PPP2R3A: variants seen among roughly 807,000 people sequenced by gnomAD.
PPP2R3A encodes protein phosphatase 2 regulatory subunit B''alpha.
A neutral mutation model predicts 106.9 loss-of-function variants in PPP2R3A; 80 were observed. The ratio of observed to expected loss-of-function variants is 0.75; its 90% CI spans 0.62 to 0.90. PPP2R3A has a LOEUF of 0.90. Among genes scored for constraint, PPP2R3A ranks in the 40% least tolerant of loss-of-function variants. The pLI, the probability that PPP2R3A is intolerant of heterozygous loss-of-function variation, is 0.00. For synonymous variants in PPP2R3A, 483 were observed against 468.3 expected, an observed-to-expected ratio of 1.03 and a Z score of -0.41; for missense variants, 1,386 against 1,350.4, an observed-to-expected ratio of 1.03 and a Z score of -0.41.
intron 4 of PPP2R3A, among the ~76,000 whole-genome samples, chr3:136,044,584 A>G (rs972058057): frequency 6.6e-6 from 1 of 151,722 alleles, no homozygotes; most frequent in African/African-American, 2.4e-5. Flanking sequence ...AAAAAAAAAA[A>G]AAAAAAAAAA....
Position 136,145,049 on chromosome 3 carries a change from A to G in PPP2R3A, c.3336A>G (p.Glu1112=), listed in dbSNP as rs1214140228. The G allele has an allele frequency of 4.3e-6, 7 of 1,610,688 alleles. No homozygotes were observed. Among genetic ancestry groups the G allele is most frequent in the Non-Finnish European group, 5.9e-6 (7 of 1,178,854 alleles). Residue 1112 remains glutamate (E), a synonymous_variant, in exon 14 of 14, where the codon GAA becomes GAG. Coordinates refer to ENST00000264977, the MANE Select transcript of PPP2R3A (RefSeq NM_002718.5). ...TTTTGCTTTGTTATTTCAGCTTTGAAGATTATGAAACAGATGAACCTGCCT... is the reference window on the plus strand; with the variant it reads ...TTTTGCTTTGTTATTTCAGCTTTGAGGATTATGAAACAGATGAACCTGCCT... ...SAQAQFQEGF[E]DYETDEPASP...
chr3:136,082,484 T>C (rs1035606291), intron 8 of PPP2R3A, 63 bp downstream of exon 8: 3 of 1,542,168 alleles, frequency 1.9e-6, no homozygotes, highest in Non-Finnish European at 2.7e-6. Flanking sequence ...TTATCACTAC[T>C]CATTATGAGA....
At chr3:136,038,915 T>G (rs966778030) in intron 3 of PPP2R3A, among the ~76,000 whole-genome samples, 1 of 152,174 alleles carries the variant, frequency 6.6e-6, no homozygotes, top group Non-Finnish European at 1.5e-5. Flanking sequence ...AGTGGAGGTA[T>G]GAGATATTCG....
intron 4 of PPP2R3A, 72 bp downstream of exon 4, chr3:136,041,034 T>C (rs980080063): frequency 7.9e-7 from 1 of 1,260,190 alleles, no homozygotes; most frequent in South Asian, 1.4e-5. Context: ...TTTCTAAAGG[T>C]CACCTATTTT....
At chr3:136,096,985 T>C (rs1937231175) in intron 10 of PPP2R3A, among the ~76,000 whole-genome samples, 1 of 152,080 alleles carries the variant, frequency 6.6e-6, no homozygotes, top group African/African-American at 2.4e-5. Flanking sequence ...ACACAAAAAA[T>C]GTAATTTTGT....
At chr3:136,071,662 T>C (rs1936433537) in intron 6 of PPP2R3A, among the ~76,000 whole-genome samples, 1 of 152,168 alleles carries the variant, frequency 6.6e-6, no homozygotes, top group Non-Finnish European at 1.5e-5. Context: ...AGCCAGATCA[T>C]GTCACTCCTC....
chr3:135,985,600 G>T (rs1339452291), intron 1 of PPP2R3A, among the ~76,000 whole-genome samples: 1 of 152,120 alleles, frequency 6.6e-6, no homozygotes, highest in Non-Finnish European at 1.5e-5. Flanking sequence ...CTTTGACCCT[G>T]CCAGTGGAGG....
Position 136,070,539 on chromosome 3 carries a change from G to A in PPP2R3A, c.2531G>A (p.Arg844His), listed in dbSNP as rs772093020. Residue 844 changes from arginine (R) to histidine (H), a missense_variant, in exon 6 of 14, where the codon CGC becomes CAC. By Grantham distance (29) the Arg-to-His change is conservative. Coordinates refer to ENST00000264977, the MANE Select transcript of PPP2R3A (RefSeq NM_002718.5). ...FLKDAPEFHS[R>H]YITTVIQRIF... ...AAAGATGCTCCAGAATTCCACTCCC[G>A]CTACATCACCACGGTAGGCTGAGTC... 25 of 1,609,280 alleles carry A rather than the reference G, an allele frequency of 1.6e-5. No individual in the cohort carries two copies. Among genetic ancestry groups the A allele is most frequent in the Middle Eastern group, 1.7e-4 (1 of 6,040 alleles).
intron 1 of PPP2R3A, among the ~76,000 whole-genome samples, chr3:135,966,147 G>A (rs1434595432): frequency 6.6e-6 from 1 of 152,138 alleles, no homozygotes; most frequent in Non-Finnish European, 1.5e-5. Flanking sequence ...GAGGAGGGTA[G>A]GCGGGGGCGG....
chr3:136,008,992 C>T (rs1294798797), intron 2 of PPP2R3A, among the ~76,000 whole-genome samples: 1 of 152,128 alleles, frequency 6.6e-6, no homozygotes, highest in Non-Finnish European at 1.5e-5. Flanking sequence ...CACTTTCCTC[C>T]TCACACTGCT....
At chr3:135,984,418 T>C (rs922435178) in intron 1 of PPP2R3A, among the ~76,000 whole-genome samples, 5 of 152,178 alleles carry the variant, frequency 3.3e-5, no homozygotes, top group Non-Finnish European at 5.9e-5. Flanking sequence ...AGAATTAAAT[T>C]AGATGATGCA....
intron 13 of PPP2R3A, among the ~76,000 whole-genome samples, chr3:136,121,835 T>C (rs981094088): frequency 1.1e-4 from 16 of 152,136 alleles, no homozygotes; most frequent in African/African-American, 2.7e-4. Context: ...CACTAAACTG[T>C]AATTCCAAAT....
intron 2 of PPP2R3A, chr3:136,022,783 T>C (rs1934510458): frequency 8.5e-7 from 1 of 1,178,698 alleles, no homozygotes; most frequent in African/African-American, 1.6e-5. Context: ...CAATTTGACA[T>C]AAAGCTACCA....
rs1011234440 is a variant in PPP2R3A at position 136,146,437 on chromosome 3, T to C, written c.*1271T>C. ...GAATAGCTTCCCTTTCCACCCTACC[T>C]AGGTTCCCTCCTTGCTGGCATAAAG... On this transcript the variant is annotated 3_prime_UTR_variant, in exon 14 of 14. Transcript: ENST00000264977. The C allele has an allele frequency of 2.6e-5, 4 of 152,170 alleles. No homozygotes were observed. Among genetic ancestry groups the C allele is most frequent in the African/African-American group, 9.7e-5 (4 of 41,432 alleles). 9.4% of individuals were successfully genotyped at this position (152,170 alleles called of 1,614,324 possible). A position where few individuals can be genotyped will look rare whatever the true frequency, so the allele number is the denominator to read the frequency against.
chr3:136,138,560 T>C (rs1430234133), intron 13 of PPP2R3A, among the ~76,000 whole-genome samples: 2 of 152,142 alleles, frequency 1.3e-5, no homozygotes, highest in East Asian at 3.8e-4. Flanking sequence ...GAACCAAATA[T>C]CCAACTTCCA....
intron 13 of PPP2R3A, among the ~76,000 whole-genome samples, chr3:136,126,859 AC>A (rs1938201437): frequency 6.6e-6 from 1 of 152,176 alleles, no homozygotes; most frequent in African/African-American, 2.4e-5. Context: ...CGCTGGTGAT[AC>A]CCCGGCAAAC....
chr3:136,012,268 A>G (rs1407324485), intron 2 of PPP2R3A, among the ~76,000 whole-genome samples: 4 of 152,200 alleles, frequency 2.6e-5, no homozygotes, highest in African/African-American at 9.6e-5. Context: ...TAGGGATCCC[A>G]GAATTATTAT....
intron 13 of PPP2R3A, among the ~76,000 whole-genome samples, chr3:136,123,824 C>T (rs1446393757): frequency 4.6e-5 from 7 of 152,144 alleles, no homozygotes; most frequent in Non-Finnish European, 7.4e-5. Context: ...CAACACTTCT[C>T]ATTCAGTAAT....
At chr3:136,125,281 T>C (rs530163774) in intron 13 of PPP2R3A, among the ~76,000 whole-genome samples, 7 of 152,150 alleles carry the variant, frequency 4.6e-5, no homozygotes, top group African/African-American at 1.7e-4. Context: ...GATCGTGCCA[T>C]TGCACTCCAG....
Sources: allele counts gnomAD v4.1 joint callset (sites outside exome capture counted in the v4.1 genomes callset), GRCh38; gene constraint gnomAD v4.1.1; transcripts MANE v1.5; gene names NCBI Gene and HGNC (gene_info 2026-07-23, HGNC 2026-07-21).